SLC39A11: variants seen among roughly 807,000 people sequenced by gnomAD.
The protein encoded by SLC39A11 is zinc transporter ZIP11.
SLC39A11 carries 33 observed loss-of-function variants against 36.1 expected under a neutral mutation model. That is an observed-to-expected ratio of 0.91 (90% CI 0.69 to 1.22). The LOEUF (loss-of-function observed/expected upper bound fraction) is 1.22. Ranked by LOEUF, SLC39A11 falls within the 50% of genes most tolerant of loss-of-function variation. The pLI, the probability that SLC39A11 is intolerant of heterozygous loss-of-function variation, is 0.00. For synonymous variants in SLC39A11, 166 were observed against 170.3 expected, an observed-to-expected ratio of 0.97 and a Z score of 0.20; for missense variants, 432 against 430.3, an observed-to-expected ratio of 1.00 and a Z score of -0.03.
intron 4 of SLC39A11, among the ~76,000 whole-genome samples, chr17:72,949,621 C>T (rs962750223): frequency 1.1e-4 from 17 of 151,928 alleles, no homozygotes; most frequent in South Asian, 6.2e-4. Context: ...TCTTTCATTA[C>T]GGCATTAATC....
intron 6 of SLC39A11, among the ~76,000 whole-genome samples, chr17:72,829,053 C>CA (rs944575587): frequency 7.2e-5 from 11 of 151,746 alleles, no homozygotes; most frequent in South Asian, 6.2e-4. Flanking sequence ...AACGAAGCAA[C>CA]AAAAAAAATG....
At chr17:72,774,254 C>T (rs2076056673) in intron 6 of SLC39A11, among the ~76,000 whole-genome samples, 1 of 152,150 alleles carries the variant, frequency 6.6e-6, no homozygotes, top group African/African-American at 2.4e-5. Context: ...TGCAGGGACT[C>T]AAGGTGTGTC....
At chr17:72,913,970 G>T (rs977449803) in intron 5 of SLC39A11, among the ~76,000 whole-genome samples, 1 of 150,120 alleles carries the variant, frequency 6.7e-6, no homozygotes, top group Non-Finnish European at 1.5e-5. Flanking sequence ...CTCTGAGTCG[G>T]AACCCACAGA....
intron 6 of SLC39A11, among the ~76,000 whole-genome samples, chr17:72,790,151 C>T (rs751142685): frequency 1.3e-4 from 20 of 152,240 alleles, no homozygotes; most frequent in Admixed American, 4.6e-4. Flanking sequence ...TTTTGTCTTT[C>T]GAAAGACTAG....
At chr17:72,936,760 G>A (rs1382637751) in intron 5 of SLC39A11, among the ~76,000 whole-genome samples, 2 of 93,532 alleles carry the variant, frequency 2.1e-5, no homozygotes, top group Non-Finnish European at 4.2e-5. Context: ...GGGGTAGGGG[G>A]TGGTTTCAGG....
chr17:73,074,676 AC>A (rs1568231279), intron 3 of SLC39A11, among the ~76,000 whole-genome samples: 2 of 152,004 alleles, frequency 1.3e-5, no homozygotes, highest in Non-Finnish European at 1.5e-5. Context: ...ATTCCTCCAG[AC>A]TCAAGCCATC....
At chr17:72,824,323 C>A (rs375792084) in intron 6 of SLC39A11, among the ~76,000 whole-genome samples, 22 of 151,470 alleles carry the variant, frequency 1.5e-4, no homozygotes, top group African/African-American at 3.1e-4. Flanking sequence ...TCTGCCATGA[C>A]TGAAGGTTTC....
chr17:72,904,582 G>A (rs2082555336), intron 5 of SLC39A11, among the ~76,000 whole-genome samples: 2 of 152,152 alleles, frequency 1.3e-5, no homozygotes. Context: ...AACAAGGAAG[G>A]TCCCAGAGCA....
chr17:72,855,619 G>A (rs1048001364), intron 5 of SLC39A11, among the ~76,000 whole-genome samples: 13 of 152,172 alleles, frequency 8.5e-5, no homozygotes, highest in South Asian at 2.1e-4. Flanking sequence ...AATAGAGGCC[G>A]GGTGCGGTGG....
chr17:72,704,526 A>T (rs1287947615), intron 7 of SLC39A11, among the ~76,000 whole-genome samples: 2 of 152,180 alleles, frequency 1.3e-5, no homozygotes, highest in Non-Finnish European at 1.5e-5. Flanking sequence ...CTTTTATTTG[A>T]TACGCTTTTC....
At chr17:73,018,457 A>G (rs2058240410) in intron 4 of SLC39A11, among the ~76,000 whole-genome samples, 1 of 152,166 alleles carries the variant, frequency 6.6e-6, no homozygotes, top group Non-Finnish European at 1.5e-5. Flanking sequence ...CTGAGGCAGG[A>G]GAATCACTTG....
At chr17:73,031,776 C>G (rs2058747222) in intron 3 of SLC39A11, 62 bp from the exon 4 acceptor site, 1 of 1,558,174 alleles carries the variant, frequency 6.4e-7, no homozygotes, top group African/African-American at 1.4e-5. Flanking sequence ...CCAGGCAGGA[C>G]CTCAGTTGCT....
At chr17:72,861,657 T>TTATAGATATATA (rs1555605274) in intron 5 of SLC39A11, among the ~76,000 whole-genome samples, 8 of 50,962 alleles carry the variant, frequency 1.6e-4, no homozygotes, top group Non-Finnish European at 2.6e-4. Flanking sequence ...ATACAACACA[T>TTATAGATATATA]TATATATATA....
chr17:72,842,807 C>G (rs1328809197), intron 6 of SLC39A11, among the ~76,000 whole-genome samples: 1 of 152,214 alleles, frequency 6.6e-6, no homozygotes, highest in Non-Finnish European at 1.5e-5. Flanking sequence ...TGTCTGCACT[C>G]TGTTTCTGGA....
intron 3 of SLC39A11, among the ~76,000 whole-genome samples, chr17:73,050,978 AAG>A (rs1212690821): frequency 1.3e-5 from 2 of 152,204 alleles, no homozygotes; most frequent in South Asian, 4.1e-4. Flanking sequence ...GATCCAGTAA[AAG>A]AGAATGTATT....
intron 5 of SLC39A11, among the ~76,000 whole-genome samples, chr17:72,912,068 A>G (rs1054601627): frequency 2.6e-5 from 4 of 152,184 alleles, no homozygotes; most frequent in African/African-American, 9.6e-5. Context: ...TGCTGCAGGC[A>G]TGAAAGATGT....
chr17:72,829,032 G>T (rs1457415123), intron 6 of SLC39A11, among the ~76,000 whole-genome samples: 3 of 152,140 alleles, frequency 2.0e-5, no homozygotes, highest in Non-Finnish European at 4.4e-5. Context: ...AGAGCAGATG[G>T]ATGAGGAGAA....
At chr17:73,048,261 C>G (rs931533372) in intron 3 of SLC39A11, among the ~76,000 whole-genome samples, 1 of 151,870 alleles carries the variant, frequency 6.6e-6, no homozygotes, top group Non-Finnish European at 1.5e-5. Context: ...ATGCTTAGCT[C>G]CCATTTATAA....
At chr17:72,927,811 C>T (rs1490791573) in intron 5 of SLC39A11, among the ~76,000 whole-genome samples, 2 of 151,968 alleles carry the variant, frequency 1.3e-5, no homozygotes, top group Admixed American at 6.6e-5. Flanking sequence ...AATGTATACA[C>T]ACACACACAC....
Sources: allele counts gnomAD v4.1 joint callset (sites outside exome capture counted in the v4.1 genomes callset), GRCh38; gene constraint gnomAD v4.1.1; transcripts MANE v1.5; gene names NCBI Gene and HGNC (gene_info 2026-07-23, HGNC 2026-07-21).